Variants in NR2C1 observed in about 807,000 individuals in gnomAD.
The protein encoded by NR2C1 is nuclear receptor subfamily 2 group C member 1.
NR2C1 carries 33 observed loss-of-function variants against 74.8 expected under a neutral mutation model. The ratio of observed to expected loss-of-function variants is 0.44; its 90% confidence interval spans 0.33 to 0.59. NR2C1 has a LOEUF of 0.59. NR2C1 is among the 20% of genes least tolerant of loss of function. The pLI is 0.02. For synonymous variants in NR2C1, 225 were observed against 240.6 expected (o/e 0.94, Z 0.60); for missense variants, 568 against 715.6 (o/e 0.79, Z 2.35).
intron 10 of NR2C1, among the ~76,000 whole-genome samples, chr12:95,038,825 C>A (rs1353608601): frequency 6.6e-6 from 1 of 152,076 alleles, no homozygotes; most frequent in Non-Finnish European, 1.5e-5. Context: ...TTTCTGTATC[C>A]TCACTATATT....
chr12:95,027,596 T>C (rs533077904), intron 12 of NR2C1, among the ~76,000 whole-genome samples: 1 of 151,978 alleles, frequency 6.6e-6, no homozygotes, highest in African/African-American at 2.4e-5. Flanking sequence ...ATGAACTGGG[T>C]GTGGTGGTAC....
chr12:95,060,640 A>C (rs1874658168), intron 3 of NR2C1, among the ~76,000 whole-genome samples: 1 of 152,184 alleles, frequency 6.6e-6, no homozygotes, highest in South Asian at 2.1e-4. Flanking sequence ...GGGAGACAGA[A>C]CGAGACTCCA....
At chr12:95,072,281 A>G (rs1364903309) in intron 1 of NR2C1, among the ~76,000 whole-genome samples, 1 of 132,800 alleles carries the variant, frequency 7.5e-6, no homozygotes, top group Non-Finnish European at 1.6e-5. Flanking sequence ...ACAAAAAACA[A>G]AAACAAAAAC....
chr12:95,069,100 T>G (rs149948354), intron 1 of NR2C1, among the ~76,000 whole-genome samples: 4 of 152,346 alleles, frequency 2.6e-5, no homozygotes, highest in African/African-American at 9.6e-5. Context: ...TTTCATTGAA[T>G]AAGTGTTTGA....
At chr12:95,061,099 G>A (rs1367892048) in intron 3 of NR2C1, among the ~76,000 whole-genome samples, 1 of 152,120 alleles carries the variant, frequency 6.6e-6, no homozygotes, top group Non-Finnish European at 1.5e-5. Flanking sequence ...GTCCAATAGT[G>A]GCACATCCTA....
chr12:95,025,009 A>G lies in NR2C1; in HGVS notation c.1637+141T>C, dbSNP rs145186934. 162 of 509,896 alleles carry G rather than the reference A, an allele frequency of 3.2e-4. 1 individual carries two copies. The highest frequency in any genetic ancestry group is 2.8e-3 in the African/African-American group (141 of 50,414). 31.6% of individuals were successfully genotyped at this position (509,896 alleles called of 1,614,324 possible). A position where few individuals can be genotyped will look rare whatever the true frequency, so the allele number is the denominator to read the frequency against. ...TATGTAACGTACTTGCAACAATGCA[A>G]TACTGCTTTTTATAGCATTAGTATT... On this transcript the variant is annotated intron_variant, in intron 13 of 13. Transcript: ENST00000333003.
At chr12:95,066,588 T>C (rs1446591106) in intron 2 of NR2C1, among the ~76,000 whole-genome samples, 1 of 152,184 alleles carries the variant, frequency 6.6e-6, no homozygotes, top group Admixed American at 6.5e-5. Flanking sequence ...TTAGCAGCAA[T>C]GTAGAGTCAT....
At chr12:95,068,780 G>A (rs961160217) in intron 1 of NR2C1, among the ~76,000 whole-genome samples, 2 of 149,392 alleles carry the variant, frequency 1.3e-5, no homozygotes, top group Non-Finnish European at 3.0e-5. Context: ...GGCCACAAGA[G>A]TGAAATTCTG....
intron 11 of NR2C1, among the ~76,000 whole-genome samples, chr12:95,029,452 A>G (rs1332845158): frequency 2.6e-5 from 4 of 152,050 alleles, no homozygotes; most frequent in South Asian, 4.1e-4. Context: ...GCTTTTGGGG[A>G]AAAAACTATA....
chr12:95,032,204 TAGG>T (rs1358237820), intron 10 of NR2C1, among the ~76,000 whole-genome samples: 1 of 152,176 alleles, frequency 6.6e-6, no homozygotes, highest in Admixed American at 6.5e-5. Context: ...CAACCAATTT[TAGG>T]AGAAAAATGG....
chr12:95,026,618 T>C (rs1202012538), intron 12 of NR2C1, among the ~76,000 whole-genome samples: 1 of 152,324 alleles, frequency 6.6e-6, no homozygotes, highest in African/African-American at 2.4e-5. Context: ...AGGTGACAAA[T>C]TGTGCTAAGA....
chr12:95,025,095 G>A, intron 13 of NR2C1, 55 bp downstream of exon 13: 1 of 765,710 alleles, frequency 1.3e-6, no homozygotes, highest in Non-Finnish European at 2.1e-6. Flanking sequence ...TGAGATAACA[G>A]ATCCACAAAA....
In NR2C1 at chr12:95,026,855, G is replaced by C. The variant is rs543399686; in HGVS notation, c.1531+1532C>G. 5.3e-5 allele frequency: 8 copies of C among 152,250 alleles called. No homozygotes were observed. In the East Asian group the frequency reaches 1.5e-3, roughly 29 times the overall value. The allele number at this position is 152,250 out of a possible 1,614,324, so 9.4% of individuals were successfully genotyped here. On this transcript the variant is annotated intron_variant, in intron 12 of 13. Coordinates refer to ENST00000333003, the MANE Select transcript of NR2C1 (RefSeq NM_003297.4). ...AGAGCTTACCGTCATTTTACCATCT[G>C]TGAAAACTGTAAACTGGCAGGAAAA...
intron 3 of NR2C1, among the ~76,000 whole-genome samples, chr12:95,061,529 AAAC>A (rs1874781563): frequency 6.6e-6 from 1 of 152,202 alleles, no homozygotes; most frequent in African/African-American, 2.4e-5. Context: ...CTTGTTGATA[AAAC>A]AACTTCTTAT....
intron 12 of NR2C1, 43 bp from the exon 13 acceptor site, chr12:95,025,298 T>A: frequency 9.8e-7 from 1 of 1,024,404 alleles, no homozygotes. Context: ...TTCTGAATGT[T>A]CATTTAAGAC....
At chr12:95,041,103 G>A (rs1418932835) in intron 9 of NR2C1, among the ~76,000 whole-genome samples, 1 of 152,170 alleles carries the variant, frequency 6.6e-6, no homozygotes, top group Non-Finnish European at 1.5e-5. Flanking sequence ...ATTGAATTCA[G>A]TGCAGTGAAA....
intron 2 of NR2C1, among the ~76,000 whole-genome samples, chr12:95,063,319 C>A (rs1452464114): frequency 6.6e-6 from 1 of 151,972 alleles, no homozygotes; most frequent in African/African-American, 2.4e-5. Context: ...TAAGTAGGTC[C>A]CAGGGCAGGA....
chr12:95,038,125 T>G (rs1219665794), intron 10 of NR2C1, among the ~76,000 whole-genome samples: 4 of 152,194 alleles, frequency 2.6e-5, no homozygotes, highest in East Asian at 3.9e-4. Flanking sequence ...ATCTTGTGGT[T>G]GTTACATTGA....
At chr12:95,033,155 A>G (rs1870371365) in intron 10 of NR2C1, among the ~76,000 whole-genome samples, 2 of 152,124 alleles carry the variant, frequency 1.3e-5, no homozygotes, top group South Asian at 4.1e-4. Flanking sequence ...TCTCAAAAAA[A>G]AAAAAAAAAT....
Sources: gnomAD v4.1 joint callset for allele counts (sites outside exome capture counted in the v4.1 genomes callset) on GRCh38, gnomAD v4.1.1 for gene constraint, MANE v1.5 for transcripts, NCBI Gene and HGNC (gene_info 2026-07-23, HGNC 2026-07-21) for gene names.